The following NBAS variants were observed in gnomAD, a reference collection of about 807,000 sequenced individuals.
NBAS encodes the protein NBAS subunit of NRZ tethering complex.
Under a neutral mutation model 302.5 loss-of-function variants are expected in NBAS, and 219 were observed. The ratio of observed to expected loss-of-function variants is 0.72; its 90% CI spans 0.65 to 0.81. The LOEUF (loss-of-function observed/expected upper bound fraction) is 0.81. Ranked by LOEUF, NBAS falls within the 30% of genes least tolerant of loss-of-function variation. The pLI is 0.00. For missense variants in NBAS, 2,932 were observed against 2,841.6 expected (o/e 1.03, Z -0.72); for synonymous variants, 1,118 against 1,021.6 (o/e 1.09, Z -1.80).
At chr2:15,166,893 T>C (rs564094787), downstream of NBAS, 107 of 1,013,704 alleles carry the variant, frequency 1.1e-4, no homozygotes, top group African/African-American at 1.2e-3. Flanking sequence ...AAAAAAAAGG[T>C]TAAAAAAGCG....
chr2:15,034,223 G>GGGAA, the NBAS span, among the ~76,000 whole-genome samples: 1 of 20,168 alleles, frequency 5.0e-5, no homozygotes. Context: ...AGAAAGAGAG[G>GGGAA]GAAAGAAAGA....
the NBAS span, among the ~76,000 whole-genome samples, chr2:15,012,314 A>C: frequency 1.3e-5 from 2 of 152,244 alleles, no homozygotes; most frequent in East Asian, 1.9e-4. Flanking sequence ...TATACCAAGC[A>C]AAAGAAAAGG....
the NBAS span, among the ~76,000 whole-genome samples, chr2:15,082,043 C>T: frequency 6.6e-6 from 1 of 152,090 alleles, no homozygotes; most frequent in South Asian, 2.1e-4. Context: ...TTAAATAAAG[C>T]AAGACAACTT....
At chr2:15,524,385 A>T (rs1230724896) in intron 9 of NBAS, among the ~76,000 whole-genome samples, 1 of 152,186 alleles carries the variant, frequency 6.6e-6, no homozygotes, top group Non-Finnish European at 1.5e-5. Flanking sequence ...AGTAAATGTG[A>T]TGATATAGAT....
the NBAS span, among the ~76,000 whole-genome samples, chr2:14,995,054 C>T: frequency 6.6e-6 from 1 of 152,056 alleles, no homozygotes; most frequent in East Asian, 1.9e-4. Context: ...GGAAAATCTG[C>T]ATTTTATTTT....
At chr2:15,353,803 T>C in intron 33 of NBAS, 93 bp from the exon 34 acceptor site, 1 of 1,528,514 alleles carries the variant, frequency 6.5e-7, no homozygotes, top group Non-Finnish European at 9.0e-7. Flanking sequence ...TCAGGTCTTG[T>C]GGTACCAAAG....
chr2:15,024,351 C>A, the NBAS span, among the ~76,000 whole-genome samples: 1 of 151,890 alleles, frequency 6.6e-6, no homozygotes, highest in Non-Finnish European at 1.5e-5. Flanking sequence ...TATATATGTA[C>A]CACATTTTCT....
the NBAS span, among the ~76,000 whole-genome samples, chr2:15,032,135 T>C: frequency 6.6e-6 from 1 of 152,336 alleles, no homozygotes; most frequent in South Asian, 2.1e-4. Context: ...ACTCTTCTCC[T>C]GGACTCCACC....
At chr2:14,860,607 A>C in the NBAS span, among the ~76,000 whole-genome samples, 1 of 152,156 alleles carries the variant, frequency 6.6e-6, no homozygotes, top group Non-Finnish European at 1.5e-5. Flanking sequence ...ACATGTTCTC[A>C]CTCATATATG....
intron 51 of NBAS, among the ~76,000 whole-genome samples, chr2:15,174,298 G>A (rs1179496854): frequency 6.6e-6 from 1 of 152,208 alleles, no homozygotes; most frequent in Non-Finnish European, 1.5e-5. Flanking sequence ...TGTAAATAAT[G>A]CTAGAAGGTT....
intron 21 of NBAS, among the ~76,000 whole-genome samples, chr2:15,442,128 A>T (rs1475972880): frequency 7.7e-6 from 1 of 129,642 alleles, no homozygotes; most frequent in Admixed American, 8.4e-5. Flanking sequence ...GATACCCAGG[A>T]ATTGAACTCA....
the NBAS span, among the ~76,000 whole-genome samples, chr2:15,056,388 C>G: frequency 6.6e-6 from 1 of 152,192 alleles, no homozygotes; most frequent in African/African-American, 2.4e-5. Context: ...AACCTACTGT[C>G]AAATGCTTCA....
intron 31 of NBAS, among the ~76,000 whole-genome samples, chr2:15,371,802 G>A (rs1012655213): frequency 1.4e-4 from 22 of 152,262 alleles, no homozygotes; most frequent in Admixed American, 1.0e-3. Context: ...AATGAACAGA[G>A]GCTGAGGAGG....
the NBAS span, among the ~76,000 whole-genome samples, chr2:14,940,723 T>C: frequency 2.0e-5 from 3 of 152,310 alleles, no homozygotes; most frequent in East Asian, 5.8e-4. Context: ...CCCTGAGAAC[T>C]TGCTCTGCTT....
chr2:15,021,085 A>G, the NBAS span, among the ~76,000 whole-genome samples: 1 of 152,090 alleles, frequency 6.6e-6, no homozygotes, highest in East Asian at 1.9e-4. Flanking sequence ...TACAAAAATT[A>G]GCCAGGCATG....
At chr2:15,002,718 A>G in the NBAS span, among the ~76,000 whole-genome samples, 1 of 152,210 alleles carries the variant, frequency 6.6e-6, no homozygotes, top group East Asian at 1.9e-4. Context: ...AATCGAGCAC[A>G]GTGCCAGTGG....
chr2:15,350,863 G>A (rs553070901), intron 35 of NBAS, among the ~76,000 whole-genome samples: 1 of 152,174 alleles, frequency 6.6e-6, no homozygotes, highest in African/African-American at 2.4e-5. Context: ...CTGGATTGGA[G>A]TAACTAGCAA....
At chr2:14,909,751 C>T in the NBAS span, among the ~76,000 whole-genome samples, 936 of 152,268 alleles carry the variant, frequency 6.1e-3, 4 homozygotes, top group Non-Finnish European at 0.011. Context: ...AGGCTAGTGA[C>T]AAGATTGCCC....
chr2:14,973,919 C>T, the NBAS span, among the ~76,000 whole-genome samples: 1 of 152,172 alleles, frequency 6.6e-6, no homozygotes, highest in African/African-American at 2.4e-5. Flanking sequence ...CCAGCTTTGT[C>T]TCCATAACCC....
Sources: allele counts gnomAD v4.1 joint callset (sites outside exome capture counted in the v4.1 genomes callset), GRCh38; gene constraint gnomAD v4.1.1; transcripts MANE v1.5; gene names NCBI Gene and HGNC (gene_info 2026-07-23, HGNC 2026-07-21).